Variants in BAIAP2L2 observed in about 807,000 individuals in gnomAD.
BAIAP2L2 encodes BAR/IMD domain-containing adapter protein 2-like 2.
In BAIAP2L2, 65 loss-of-function variants were observed where a neutral mutation model predicts 60.4. The ratio of observed to expected loss-of-function variants is 1.08; its 90% confidence interval spans 0.88 to 1.32. The LOEUF (loss-of-function observed/expected upper bound fraction) is 1.32. Among genes scored for constraint, BAIAP2L2 ranks in the 40% most tolerant of loss-of-function variants. BAIAP2L2 has a pLI of 0.00. For missense variants in BAIAP2L2, 836 were observed against 741.2 expected, an observed-to-expected ratio of 1.13 and a Z score of -1.48; for synonymous variants, 344 against 301.7, an observed-to-expected ratio of 1.14 and a Z score of -1.45.
intron 10 of BAIAP2L2, among the ~76,000 whole-genome samples, chr22:38,087,805 C>G (rs1457899188): frequency 6.7e-6 from 1 of 149,702 alleles, no homozygotes. Context: ...AGCACCCCCT[C>G]ACCACTCACA....
At position 38,110,502 on chromosome 22, in the gene BAIAP2L2, G is replaced by T. The variant is rs4820313; in HGVS notation, c.24C>A (p.Phe8Leu). MAPEMDQ[F>L]YRSTMAIYKS... Reference sequence around the variant, plus strand: ...TGTAGATGGCCATGGTGGACCTGTAGAACTGGTCCATCTCGGGGGCCATGG... The same window carrying T: ...TGTAGATGGCCATGGTGGACCTGTATAACTGGTCCATCTCGGGGGCCATGG... Residue 8 changes from phenylalanine to leucine, a missense_variant, in exon 1 of 14, where the codon TTC becomes TTA. Coordinates refer to ENST00000381669, the MANE Select transcript of BAIAP2L2 (RefSeq NM_025045.6). The T allele has an allele frequency of 6.2e-7, 1 of 1,611,998 alleles. No homozygotes were observed.
rs146268487 is a variant in BAIAP2L2 at position 38,102,037 on chromosome 22, G to A, written c.277-3555C>T. ...TGGATGGAGCAGTGGGAGGTAGCTGGGCGTTGAGGGACCTGAGCACAGGTG... is the reference window on the plus strand; with the variant it reads ...TGGATGGAGCAGTGGGAGGTAGCTGAGCGTTGAGGGACCTGAGCACAGGTG... On this transcript the variant is annotated intron_variant, in intron 4 of 13. Coordinates refer to ENST00000381669, the MANE Select transcript of BAIAP2L2 (RefSeq NM_025045.6). 1.4e-4 allele frequency among the ~76,000 whole-genome samples: 21 copies of A among 152,258 alleles called. No homozygotes were observed. The East Asian group carries it at 3.9e-3, about 28-fold the overall frequency.
intron 7 of BAIAP2L2, 68 bp from the exon 8 acceptor site, chr22:38,089,742 G>A (rs922938502): frequency 8.3e-7 from 1 of 1,208,322 alleles, no homozygotes; most frequent in African/African-American, 1.6e-5. Flanking sequence ...GACCCAAAAT[G>A]ACACCCTCGA....
intron 4 of BAIAP2L2, among the ~76,000 whole-genome samples, chr22:38,105,563 G>A (rs777527458): frequency 4.6e-5 from 7 of 151,798 alleles, no homozygotes; most frequent in Non-Finnish European, 8.8e-5. Flanking sequence ...GGTTAGTCTC[G>A]AACTCCTGAC....
intron 6 of BAIAP2L2, 103 bp from the exon 7 acceptor site, chr22:38,097,281 G>T: frequency 7.4e-7 from 1 of 1,344,320 alleles, no homozygotes; most frequent in Non-Finnish European, 1.0e-6. Context: ...CTTCCTGACT[G>T]CCCTCTCCCC....
chr22:38,105,339 C>CTTTTTT (rs1035690122), intron 4 of BAIAP2L2, among the ~76,000 whole-genome samples: 53 of 94,986 alleles, frequency 5.6e-4, no homozygotes, highest in African/African-American at 9.5e-4. Flanking sequence ...TTTTTCTTTT[C>CTTTTTT]TTTTTTTTTT....
chr22:38,092,860 T>C (rs1387554951), intron 7 of BAIAP2L2, among the ~76,000 whole-genome samples: 3 of 151,930 alleles, frequency 2.0e-5, no homozygotes, highest in Non-Finnish European at 4.4e-5. Flanking sequence ...ATGCAAGATC[T>C]CCTTGTTTAA....
chr22:38,088,977 G>C lies in BAIAP2L2; in HGVS notation c.902-13C>G, dbSNP rs2086190197. On this transcript the variant is annotated splice_polypyrimidine_tract_variant and intron_variant, in intron 9 of 13. Transcript: ENST00000381669. ...CTGTAGAGCGAGGCTGTGGGCGGGAGAGCGCGGCGGCACGTGGGCAGGAAG... is the reference window on the plus strand; with the variant it reads ...CTGTAGAGCGAGGCTGTGGGCGGGACAGCGCGGCGGCACGTGGGCAGGAAG... The C allele has an allele frequency of 6.7e-7, 1 of 1,493,128 alleles. No homozygotes were observed. The highest frequency in any genetic ancestry group is 1.4e-5 in the African/African-American group (1 of 70,304). The allele number at this position is 1,493,128 out of a possible 1,614,324, so 92.5% of individuals were successfully genotyped here.
intron 7 of BAIAP2L2, 70 bp downstream of exon 7, chr22:38,096,962 C>A (rs1476982589): frequency 2.0e-6 from 3 of 1,524,462 alleles, no homozygotes; most frequent in Non-Finnish European, 2.7e-6. Context: ...AGGGAAACCT[C>A]TATGTACGGC....
chr22:38,090,004 T>TGCA (rs2086243657), intron 7 of BAIAP2L2: 1 of 213,040 alleles, frequency 4.7e-6, no homozygotes, highest in African/African-American at 2.3e-5. Context: ...TCCTCCTTCC[T>TGCA]GCAGCGATAG....
At chr22:38,110,145 GAGAGGGAGAGAC>G (rs2086806649) in intron 1 of BAIAP2L2, among the ~76,000 whole-genome samples, 1 of 113,918 alleles carries the variant, frequency 8.8e-6, no homozygotes, top group Non-Finnish European at 1.6e-5. Flanking sequence ...GAGAGAGAGA[GAGAGGGAGAGAC>G]AGAGAGAGAG....
intron 12 of BAIAP2L2, 71 bp from the exon 13 acceptor site, chr22:38,085,803 T>C (rs369049642): frequency 7.2e-7 from 1 of 1,398,236 alleles, no homozygotes; most frequent in Non-Finnish European, 9.8e-7. Flanking sequence ...CTCCCCTCCC[T>C]CTCCCCATGC....
At position 38,089,660 on chromosome 22, in the gene BAIAP2L2, G is replaced by A. The variant is rs1293294115; in HGVS notation, c.627C>T (p.Leu209=). 4.1e-6 allele frequency: 5 copies of A among 1,230,858 alleles called. No homozygotes were observed. The highest frequency in any genetic ancestry group is 5.1e-6 in the Non-Finnish European group (5 of 987,242). 76.2% of individuals were successfully genotyped at this position (1,230,858 alleles called of 1,614,324 possible). Residue 209 remains leucine, a synonymous_variant, in exon 8 of 14, where the codon CTC becomes CTT. Transcript: ENST00000381669. The stretch of plus-strand genomic sequence containing the variant: ...CCTTCCACAGCAGCACGCGGTTCTG[G>A]AGCATCCCCCGGGCCTGGCCGGGCG... ...LQFFGRARGM[L]QNRVLLWKEQ...
rs1037521805 is a variant in BAIAP2L2 at position 38,096,155 on chromosome 22, G to A, written c.612+877C>T. ...GAGCAGTATTAATATCAGACAAGGC[G>A]GAATTAAAAGCATCAAACTTAAGAG... On this transcript the variant is annotated intron_variant, in intron 7 of 13. Transcript: ENST00000381669. Among the ~76,000 whole-genome samples, 7 of 152,060 alleles carry A rather than the reference G, an allele frequency of 4.6e-5. No homozygotes were observed. The East Asian group carries it at 1.2e-3, about 25-fold the overall frequency.
At chr22:38,104,927 CTGTGGT>C (rs1205554066) in intron 4 of BAIAP2L2, among the ~76,000 whole-genome samples, 3 of 151,936 alleles carry the variant, frequency 2.0e-5, no homozygotes, top group Non-Finnish European at 4.4e-5. Context: ...GAGGGAGAGG[CTGTGGT>C]TTTGATGGGG....
intron 4 of BAIAP2L2, among the ~76,000 whole-genome samples, chr22:38,100,962 C>T (rs895348114): frequency 6.6e-6 from 1 of 152,132 alleles, no homozygotes; most frequent in Non-Finnish European, 1.5e-5. Context: ...CCCTAGGGGG[C>T]GACACTGACA....
chr22:38,110,377 T>G, intron 1 of BAIAP2L2, 98 bp downstream of exon 1: 1 of 1,261,774 alleles, frequency 7.9e-7, no homozygotes, highest in Non-Finnish European at 1.1e-6. Context: ...TTCCAGGACA[T>G]CTGTAGCCCC....
At chr22:38,089,450 G>C in intron 8 of BAIAP2L2, 72 bp downstream of exon 8, 1 of 874,856 alleles carries the variant, frequency 1.1e-6, no homozygotes, top group Non-Finnish European at 1.5e-6. Flanking sequence ...TCCAGGCTGG[G>C]GGCCTGAGGC....
chr22:38,098,024 CGCCCTTCCTGGCCCA>C, intron 6 of BAIAP2L2, 24 bp downstream of exon 6: 49 of 970,710 alleles, frequency 5.0e-5, no homozygotes, highest in Non-Finnish European at 7.4e-5. Context: ...TCTGCCCACC[CGCCCTTCCTGGCCCA>C]CCCCCGCTTC....
Sources: allele counts gnomAD v4.1 joint callset (sites outside exome capture counted in the v4.1 genomes callset), GRCh38; gene constraint gnomAD v4.1.1; transcripts MANE v1.5; gene names NCBI Gene and HGNC (gene_info 2026-07-23, HGNC 2026-07-21).